TANK: variants seen among roughly 807,000 people sequenced by gnomAD.
TANK encodes the protein TRAF family member associated NFKB activator.
A neutral mutation model predicts 43.6 loss-of-function variants in TANK; 15 were observed. The ratio of observed to expected loss-of-function variants is 0.34; its 90% CI spans 0.23 to 0.53. The LOEUF (loss-of-function observed/expected upper bound fraction) is 0.53. Ranked by LOEUF, TANK falls within the 20% of genes least tolerant of loss-of-function variation. The probability of loss-of-function intolerance (pLI) is 0.94; values close to 1 mark genes in which losing one functional copy is unlikely to be tolerated. For missense variants in TANK, 417 were observed against 498.6 expected (o/e 0.84, Z 1.56); for synonymous variants, 162 against 178.2 (o/e 0.91, Z 0.73).
chr2:161,175,823 A>C (rs1233887181), intron 1 of TANK, among the ~76,000 whole-genome samples: 1 of 152,082 alleles, frequency 6.6e-6, no homozygotes, highest in Non-Finnish European at 1.5e-5. Context: ...GGTAGGAAAA[A>C]AGGAATTACT....
intron 2 of TANK, among the ~76,000 whole-genome samples, chr2:161,183,360 T>A (rs1214037256): frequency 1.3e-5 from 2 of 151,742 alleles, no homozygotes; most frequent in African/African-American, 4.8e-5. Flanking sequence ...TTGAATTTAT[T>A]TTTTTTTTCA....
intron 2 of TANK, among the ~76,000 whole-genome samples, chr2:161,201,998 A>T (rs1214677840): frequency 6.6e-6 from 1 of 152,132 alleles, no homozygotes; most frequent in Non-Finnish European, 1.5e-5. Context: ...CCTATGTATA[A>T]GTTACTTAAT....
intron 1 of TANK, among the ~76,000 whole-genome samples, chr2:161,170,049 CCTT>C (rs1301643338): frequency 1.3e-5 from 2 of 152,132 alleles, no homozygotes; most frequent in East Asian, 1.9e-4. Flanking sequence ...CTGAGATTGT[CCTT>C]CTTATCCATG....
intron 1 of TANK, among the ~76,000 whole-genome samples, chr2:161,168,432 A>G (rs137910547): frequency 6.6e-6 from 1 of 152,164 alleles, no homozygotes; most frequent in African/African-American, 2.4e-5. Context: ...GAAAGGGCCC[A>G]CCAAACACCT....
chr2:161,225,534 T>C (rs1333532135), intron 6 of TANK, among the ~76,000 whole-genome samples: 1 of 152,212 alleles, frequency 6.6e-6, no homozygotes, highest in East Asian at 1.9e-4. Context: ...TCCTGGTGTT[T>C]GCTTCAGTAG....
rs1442876157 is a variant in TANK at position 161,217,289 on chromosome 2, T to TG, written c.328-6623dup. Reference sequence around the variant, plus strand: ...CACAACCTGGAGACTGCCAGAGACTTGGGCTGAATTTAAACTCAGAATTTA... The same window carrying TG: ...CACAACCTGGAGACTGCCAGAGACTTGGGGCTGAATTTAAACTCAGAATTTA... On this transcript the variant is annotated intron_variant, in intron 4 of 7. Coordinates refer to ENST00000392749, the MANE Select transcript of TANK (RefSeq NM_001199135.3). 2.0e-5 allele frequency among the ~76,000 whole-genome samples: 3 copies of TG among 152,262 alleles called. No individual in the cohort carries two copies. The East Asian group carries it at 5.8e-4, about 29-fold the overall frequency.
chr2:161,156,384 C>G (rs1429314928), upstream of TANK: 1 of 983,632 alleles, frequency 1.0e-6, no homozygotes, highest in Non-Finnish European at 1.2e-6. Context: ...TTCACCTTGT[C>G]TCTAGTTCCC....
chr2:161,227,958 C>G (rs1178418164), intron 6 of TANK, among the ~76,000 whole-genome samples: 3 of 152,112 alleles, frequency 2.0e-5, no homozygotes, highest in Non-Finnish European at 4.4e-5. Context: ...CACTCCTAGT[C>G]ATAGAGTATC....
rs537421000 is a variant in TANK at position 161,216,759 on chromosome 2, C to T, written c.328-7156C>T. 2.1e-4 allele frequency among the ~76,000 whole-genome samples: 32 copies of T among 152,040 alleles called. No homozygotes were observed. The South Asian group carries it at 6.4e-3, about 31-fold the overall frequency. On this transcript the variant is annotated intron_variant, in intron 4 of 7. Coordinates refer to ENST00000392749, the MANE Select transcript of TANK (RefSeq NM_001199135.3). ...TATCTTGGTTATGTGTGCATAGATA[C>T]GTAAAGTTAAATTTTCTACAAGATG...
chr2:161,165,360 C>T (rs1410910491), intron 1 of TANK, among the ~76,000 whole-genome samples: 1 of 151,798 alleles, frequency 6.6e-6, no homozygotes, highest in African/African-American at 2.4e-5. Flanking sequence ...TTTTTAATTG[C>T]TTGAAGAAGG....
chr2:161,154,207 T>C (rs1684158355), intron 1 of TANK, among the ~76,000 whole-genome samples: 1 of 152,132 alleles, frequency 6.6e-6, no homozygotes, highest in South Asian at 2.1e-4. Flanking sequence ...TAGAATCAGA[T>C]CATTCAGTAG....
At chr2:161,205,128 CAG>C in intron 4 of TANK, 1 of 354,544 alleles carries the variant, frequency 2.8e-6, no homozygotes. Flanking sequence ...AGTTTGAGAC[CAG>C]CCTGGGCAAC....
At chr2:161,148,289 C>G (rs2105223377) in intron 1 of TANK, among the ~76,000 whole-genome samples, 1 of 152,258 alleles carries the variant, frequency 6.6e-6, no homozygotes, top group African/African-American at 2.4e-5. Context: ...TAATGTCAAG[C>G]ATTTTTTCAT....
chr2:161,160,236 G>T, upstream of TANK: 2 of 394,816 alleles, frequency 5.1e-6, no homozygotes, highest in African/African-American at 2.1e-5. Context: ...TTTCTAAGAG[G>T]CGGGGACTTG....
intron 4 of TANK, among the ~76,000 whole-genome samples, chr2:161,206,795 A>G (rs919724088): frequency 6.6e-6 from 1 of 152,142 alleles, no homozygotes; most frequent in Non-Finnish European, 1.5e-5. Flanking sequence ...GAATTACTAT[A>G]CTGACATAAA....
intron 1 of TANK, among the ~76,000 whole-genome samples, chr2:161,178,303 C>A (rs184810092): frequency 1.3e-5 from 2 of 152,174 alleles, no homozygotes; most frequent in East Asian, 1.9e-4. Flanking sequence ...GCATATCTTA[C>A]AATGGAATAT....
chr2:161,196,713 G>C (rs1295602941), intron 2 of TANK, among the ~76,000 whole-genome samples: 11 of 152,212 alleles, frequency 7.2e-5, no homozygotes, highest in Non-Finnish European at 1.3e-4. Flanking sequence ...AAATTAGCCA[G>C]GTGTGATGCG....
Position 161,223,935 on chromosome 2 carries a change from T to C in TANK, c.348T>C (p.Ser116=), listed in dbSNP as rs747213716. ...KLPKVRRQEV[S]SPRKETSARS... The stretch of plus-strand genomic sequence containing the variant: ...TTAAGGTAAGAAGACAAGAGGTTTC[T>C]TCTCCTAGAAAAGAAACTTCAGCAA... Residue 116 remains serine, a synonymous_variant, in exon 5 of 8, where the codon TCT becomes TCC. Coordinates refer to ENST00000392749, the MANE Select transcript of TANK (RefSeq NM_001199135.3). 5.6e-6 allele frequency: 9 copies of C among 1,601,804 alleles called. No homozygotes were observed. In the Admixed American group the frequency reaches 1.5e-4, roughly 27 times the overall value.
chr2:161,225,619 T>G (rs1231289999), intron 6 of TANK, among the ~76,000 whole-genome samples: 1 of 152,198 alleles, frequency 6.6e-6, no homozygotes, highest in Non-Finnish European at 1.5e-5. Context: ...GAAGGTAAAC[T>G]GATCATTTAT....
Sources: gnomAD v4.1 joint callset for allele counts (sites outside exome capture counted in the v4.1 genomes callset) on GRCh38, gnomAD v4.1.1 for gene constraint, MANE v1.5 for transcripts, NCBI Gene and HGNC (gene_info 2026-07-23, HGNC 2026-07-21) for gene names.